Variants in ARB2A observed in about 807,000 individuals in gnomAD.
ARB2A encodes cotranscriptional regulator ARB2A.
chr5:94,014,108 CAG>C, the ARB2A span, among the ~76,000 whole-genome samples: 1 of 152,164 alleles, frequency 6.6e-6, no homozygotes, highest in Non-Finnish European at 1.5e-5. Context: ...TAGAGACAAA[CAG>C]GGGAAGTGGA....
the ARB2A span, among the ~76,000 whole-genome samples, chr5:93,678,442 GACA>G: frequency 1.2e-4 from 18 of 152,202 alleles, no homozygotes; most frequent in South Asian, 3.5e-3. Flanking sequence ...ATATTTCAAA[GACA>G]ACAAATAAAC....
chr5:93,644,202 A>G, the ARB2A span, among the ~76,000 whole-genome samples: 1 of 152,228 alleles, frequency 6.6e-6, no homozygotes, highest in Non-Finnish European at 1.5e-5. Flanking sequence ...TATCTACAGC[A>G]TAGGGCTACT....
the ARB2A span, among the ~76,000 whole-genome samples, chr5:93,715,167 A>C: frequency 6.6e-6 from 1 of 152,174 alleles, no homozygotes; most frequent in South Asian, 2.1e-4. Context: ...TTTTTTCTAA[A>C]ATGTATATAT....
chr5:93,774,620 C>CT, the ARB2A span, among the ~76,000 whole-genome samples: 5 of 151,830 alleles, frequency 3.3e-5, no homozygotes, highest in South Asian at 2.1e-4. Flanking sequence ...AGTTTTGTGC[C>CT]TTTTTTTTGG....
At chr5:93,985,489 T>A in the ARB2A span, among the ~76,000 whole-genome samples, 1 of 150,802 alleles carries the variant, frequency 6.6e-6, no homozygotes, top group Non-Finnish European at 1.5e-5. Flanking sequence ...GGCTGGACTG[T>A]ATTGCCGCGA....
At chr5:93,961,731 T>G in the ARB2A span, among the ~76,000 whole-genome samples, 1 of 152,038 alleles carries the variant, frequency 6.6e-6, no homozygotes, top group Non-Finnish European at 1.5e-5. Context: ...AAAAAAACAC[T>G]GCTAAATAAT....
chr5:93,831,438 C>A, the ARB2A span, among the ~76,000 whole-genome samples: 2 of 152,040 alleles, frequency 1.3e-5, no homozygotes, highest in African/African-American at 4.8e-5. Context: ...ATGCTCCAGG[C>A]AAATCTGGAT....
At chr5:93,991,679 G>A in the ARB2A span, among the ~76,000 whole-genome samples, 1 of 151,898 alleles carries the variant, frequency 6.6e-6, no homozygotes, top group Non-Finnish European at 1.5e-5. Flanking sequence ...ACATGCTACA[G>A]AAGAATAGAT....
the ARB2A span, among the ~76,000 whole-genome samples, chr5:94,023,233 C>A: frequency 1.3e-5 from 2 of 152,206 alleles, no homozygotes; most frequent in African/African-American, 4.8e-5. Context: ...TCTGTGTAAT[C>A]TTACCCTATA....
the ARB2A span, among the ~76,000 whole-genome samples, chr5:93,732,804 T>C: frequency 7.9e-5 from 12 of 152,148 alleles, no homozygotes; most frequent in Admixed American, 5.2e-4. Context: ...TTTGGAACTC[T>C]AGATCTCCTA....
the ARB2A span, among the ~76,000 whole-genome samples, chr5:93,625,502 AATGCCATTTGTCAAT>A: frequency 6.6e-6 from 1 of 152,176 alleles, no homozygotes; most frequent in Non-Finnish European, 1.5e-5. Flanking sequence ...TTCTTCCACA[AATGCCATTTGTCAAT>A]GATGTTATTC....
the ARB2A span, chr5:94,050,609 AC>A: frequency 1.5e-5 from 11 of 747,706 alleles, no homozygotes; most frequent in South Asian, 4.3e-5. Context: ...AAAAAAAAAA[AC>A]AAAAACCTTT....
chr5:94,009,579 G>A, the ARB2A span, among the ~76,000 whole-genome samples: 6 of 151,918 alleles, frequency 3.9e-5, no homozygotes, highest in Non-Finnish European at 7.4e-5. Flanking sequence ...CATTTTAAAG[G>A]AAGGGCTAAA....
chr5:94,060,017 G>C, the ARB2A span, among the ~76,000 whole-genome samples: 5 of 152,018 alleles, frequency 3.3e-5, no homozygotes, highest in African/African-American at 1.2e-4. Flanking sequence ...CTCTTCAACA[G>C]GTAATAGTAA....
chr5:93,678,521 C>T, the ARB2A span, among the ~76,000 whole-genome samples: 2 of 152,122 alleles, frequency 1.3e-5, no homozygotes, highest in South Asian at 2.1e-4. Flanking sequence ...TCTGGGAGCC[C>T]GAGGTGGGTG....
chr5:94,060,111 G>A, the ARB2A span, among the ~76,000 whole-genome samples: 1 of 152,156 alleles, frequency 6.6e-6, no homozygotes, highest in Non-Finnish European at 1.5e-5. Context: ...TGTAATCCCA[G>A]CACTTTGGAA....
the ARB2A span, among the ~76,000 whole-genome samples, chr5:93,621,477 C>T: frequency 6.6e-6 from 1 of 152,226 alleles, no homozygotes; most frequent in Non-Finnish European, 1.5e-5. Flanking sequence ...GTCCCGGGGT[C>T]GTCCGAGGCG....
chr5:93,657,084 A>T, the ARB2A span, among the ~76,000 whole-genome samples: 1 of 152,182 alleles, frequency 6.6e-6, no homozygotes, highest in Non-Finnish European at 1.5e-5. Context: ...GGAGTAAGTT[A>T]ACACTCTCCA....
chr5:93,830,428 A>T, the ARB2A span, among the ~76,000 whole-genome samples: 1 of 148,660 alleles, frequency 6.7e-6, no homozygotes, highest in East Asian at 2.0e-4. Flanking sequence ...TAAGTATGCC[A>T]TGATCCTGGC....
Sources: allele counts gnomAD v4.1 joint callset (sites outside exome capture counted in the v4.1 genomes callset), GRCh38; gene constraint gnomAD v4.1.1; transcripts MANE v1.5; gene names NCBI Gene and HGNC (gene_info 2026-07-23, HGNC 2026-07-21).